The following HPSE2 variants were observed in gnomAD, a reference collection of about 807,000 sequenced individuals.
The protein encoded by HPSE2 is heparanase 2 (inactive), also known as inactive heparanase-2.
In HPSE2, 38 loss-of-function variants were observed where a neutral mutation model predicts 60.5. The observed-to-expected ratio is 0.63, with a 90% CI of 0.48 to 0.82. The LOEUF is 0.82. HPSE2 is among the 40% of genes least tolerant of loss of function. HPSE2 has a pLI of 0.00. For missense variants in HPSE2, 713 were observed against 740.4 expected (o/e 0.96, Z 0.43); for synonymous variants, 295 against 293.2 (o/e 1.01, Z -0.06).
At chr10:99,040,423 T>A (rs1022545852) in intron 3 of HPSE2, among the ~76,000 whole-genome samples, 1 of 152,188 alleles carries the variant, frequency 6.6e-6, no homozygotes, top group Non-Finnish European at 1.5e-5. Context: ...TTAATTTGTA[T>A]ACCAATTTAT....
chr10:98,565,675 C>T, intron 9 of HPSE2, among the ~76,000 whole-genome samples: 1 of 152,106 alleles, frequency 6.6e-6, no homozygotes, highest in African/African-American at 2.4e-5. Context: ...GATTTATATT[C>T]CTTTGGGTAT....
At chr10:99,132,768 C>A (rs1297950650) in intron 3 of HPSE2, among the ~76,000 whole-genome samples, 1 of 152,162 alleles carries the variant, frequency 6.6e-6, no homozygotes, top group African/African-American at 2.4e-5. Context: ...CCGGTCCCTA[C>A]CCCACCAGTG....
At chr10:98,503,318 C>T (rs1363812009) in intron 9 of HPSE2, among the ~76,000 whole-genome samples, 1 of 151,766 alleles carries the variant, frequency 6.6e-6, no homozygotes, top group Non-Finnish European at 1.5e-5. Flanking sequence ...AATGCAATAC[C>T]ACCTTACTCC....
chr10:98,727,942 T>C (rs1949131592), intron 4 of HPSE2, among the ~76,000 whole-genome samples: 1 of 152,002 alleles, frequency 6.6e-6, no homozygotes, highest in Non-Finnish European at 1.5e-5. Context: ...AACCAAGAAT[T>C]CCATATGCAG....
intron 9 of HPSE2, among the ~76,000 whole-genome samples, chr10:98,568,858 C>T (rs1944418802): frequency 6.6e-6 from 1 of 152,018 alleles, no homozygotes; most frequent in Admixed American, 6.6e-5. Flanking sequence ...CTACTCATTG[C>T]TTTTGTGAGT....
intron 6 of HPSE2, among the ~76,000 whole-genome samples, chr10:98,648,165 G>C (rs917919384): frequency 9.9e-5 from 15 of 152,156 alleles, no homozygotes; most frequent in Admixed American, 9.8e-4. Context: ...TGCACACTTT[G>C]GGTCCTGCGC....
chr10:99,191,724 G>A (rs954844154), intron 2 of HPSE2, among the ~76,000 whole-genome samples: 3 of 152,160 alleles, frequency 2.0e-5, no homozygotes, highest in Non-Finnish European at 2.9e-5. Flanking sequence ...AGACACCAAC[G>A]AACATCCACA....
chr10:98,983,416 G>T (rs537751692), intron 3 of HPSE2, among the ~76,000 whole-genome samples: 3 of 152,320 alleles, frequency 2.0e-5, no homozygotes, highest in African/African-American at 7.2e-5. Context: ...TACGATGTTG[G>T]AAATGGAAGC....
intron 9 of HPSE2, among the ~76,000 whole-genome samples, chr10:98,544,586 G>T (rs545463487): frequency 6.6e-6 from 1 of 151,424 alleles, no homozygotes; most frequent in Admixed American, 6.6e-5. Context: ...GGTGGCGGGC[G>T]CCTGTAGTCC....
intron 3 of HPSE2, among the ~76,000 whole-genome samples, chr10:99,123,809 G>C (rs1395316512): frequency 6.6e-6 from 1 of 152,134 alleles, no homozygotes; most frequent in Admixed American, 6.5e-5. Flanking sequence ...AAGTGATCCT[G>C]TCAAGTTTGC....
chr10:99,108,215 G>T (rs1449544317), intron 3 of HPSE2, among the ~76,000 whole-genome samples: 1 of 152,094 alleles, frequency 6.6e-6, no homozygotes. Context: ...CTAGGCAGTT[G>T]GAAAAGTGAC....
intron 11 of HPSE2, among the ~76,000 whole-genome samples, chr10:98,481,836 G>A (rs1941248775): frequency 6.6e-6 from 1 of 152,174 alleles, no homozygotes; most frequent in African/African-American, 2.4e-5. Context: ...TCCAGTCTGT[G>A]CAGCATCCCA....
At position 99,040,952 on chromosome 10, in the gene HPSE2, T is replaced by C. The variant is rs534668051; in HGVS notation, c.610+103286A>G. Among the ~76,000 whole-genome samples the C allele has an allele frequency of 5.4e-3, 824 of 151,976 alleles. 3 individuals carry two copies. The highest frequency in any genetic ancestry group is 0.011 in the Admixed American group (163 of 15,280). ...ATACAAAAAAATTAGCCAGGTGTGG[T>C]GGCGGGTGCCTATAGTCCCAGCTAC... On this transcript the variant is annotated intron_variant, in intron 3 of 11. Coordinates refer to ENST00000370552, the MANE Select transcript of HPSE2 (RefSeq NM_021828.5).
Position 98,935,958 on chromosome 10 carries a change from A to C in HPSE2, c.611-191902T>G, listed in dbSNP as rs1316588798. Among the ~76,000 whole-genome samples the C allele has an allele frequency of 4.1e-5, 6 of 144,800 alleles. 2 individuals carry two copies. The highest frequency in any genetic ancestry group is 1.7e-4 in the African/African-American group (6 of 35,970). 95.0% of individuals were successfully genotyped at this position (144,800 alleles called of 152,430 possible). ...CAAGGAGATGTGAGTTCTGTCTGTAAGCCCCTGACTGGAGCTGGTGGACTC... is the reference window on the plus strand; with the variant it reads ...CAAGGAGATGTGAGTTCTGTCTGTACGCCCCTGACTGGAGCTGGTGGACTC... On this transcript the variant is annotated intron_variant, in intron 3 of 11. Transcript: ENST00000370552.
chr10:98,921,702 C>T (rs1954286760), intron 3 of HPSE2, among the ~76,000 whole-genome samples: 1 of 152,192 alleles, frequency 6.6e-6, no homozygotes, highest in Admixed American at 6.5e-5. Context: ...AGCAGACCTT[C>T]TCCTTTCATA....
At chr10:98,629,813 A>G (rs1007272192) in intron 7 of HPSE2, among the ~76,000 whole-genome samples, 1 of 152,200 alleles carries the variant, frequency 6.6e-6, no homozygotes, top group South Asian at 2.1e-4. Flanking sequence ...TTCAGATACT[A>G]TTGAAAACAG....
At chr10:98,890,097 G>C (rs1028294836) in intron 3 of HPSE2, among the ~76,000 whole-genome samples, 2 of 152,078 alleles carry the variant, frequency 1.3e-5, no homozygotes, top group African/African-American at 2.4e-5. Context: ...TGTCTGAAAG[G>C]GTGTTACGAG....
chr10:98,756,575 C>A (rs1267502268), intron 3 of HPSE2, among the ~76,000 whole-genome samples: 1 of 151,908 alleles, frequency 6.6e-6, no homozygotes, highest in Non-Finnish European at 1.5e-5. Flanking sequence ...GGAAACCTAA[C>A]CAGGATAAAT....
chr10:99,030,024 G>A (rs1025787013), intron 3 of HPSE2, among the ~76,000 whole-genome samples: 5 of 152,180 alleles, frequency 3.3e-5, no homozygotes, highest in Non-Finnish European at 7.3e-5. Flanking sequence ...CCCTGTCTGG[G>A]CATAACAGAA....
Sources: gnomAD v4.1 joint callset for allele counts (sites outside exome capture counted in the v4.1 genomes callset) on GRCh38, gnomAD v4.1.1 for gene constraint, MANE v1.5 for transcripts, NCBI Gene and HGNC (gene_info 2026-07-23, HGNC 2026-07-21) for gene names.